EPHA6: variants seen among roughly 807,000 people sequenced by gnomAD.
EPHA6 encodes the protein ephrin type-A receptor 6.
EPHA6 carries 50 observed loss-of-function variants against 112.0 expected under a neutral mutation model. That is an observed-to-expected ratio of 0.45 (90% CI 0.36 to 0.56). The LOEUF (loss-of-function observed/expected upper bound fraction) is 0.56. EPHA6 is among the 20% of genes least tolerant of loss of function. EPHA6 has a pLI of 0.00. For missense variants in EPHA6, 1,280 were observed against 1,417.4 expected (o/e 0.90, Z 1.56); for synonymous variants, 529 against 490.7 (o/e 1.08, Z -1.03).
chr3:97,096,883 A>G (rs2047256069), intron 3 of EPHA6, among the ~76,000 whole-genome samples: 1 of 151,866 alleles, frequency 6.6e-6, no homozygotes, highest in Non-Finnish European at 1.5e-5. Flanking sequence ...AAAGTCTATC[A>G]TCTGTTAAAA....
chr3:96,958,977 G>A (rs1198292497), intron 2 of EPHA6, among the ~76,000 whole-genome samples: 1 of 152,138 alleles, frequency 6.6e-6, no homozygotes, highest in East Asian at 1.9e-4. Flanking sequence ...GAACATTCAT[G>A]TACAAGTTTT....
chr3:96,939,097 G>A (rs1030258498), intron 2 of EPHA6, among the ~76,000 whole-genome samples: 1 of 152,166 alleles, frequency 6.6e-6, no homozygotes, highest in Non-Finnish European at 1.5e-5. Context: ...CCAGGCTTTG[G>A]TATCAGGATG....
intron 3 of EPHA6, among the ~76,000 whole-genome samples, chr3:97,127,110 G>A (rs1166055819): frequency 6.6e-6 from 1 of 152,042 alleles, no homozygotes; most frequent in Non-Finnish European, 1.5e-5. Context: ...TGACACAAAA[G>A]CCTTCTTAAG....
chr3:97,355,372 ATAAAGT>A (rs1248301878), intron 5 of EPHA6, among the ~76,000 whole-genome samples: 3 of 152,222 alleles, frequency 2.0e-5, no homozygotes, highest in Non-Finnish European at 2.9e-5. Flanking sequence ...ACCAGGAGAG[ATAAAGT>A]TAGAGTGTTT....
chr3:97,238,866 T>G (rs1418858366), intron 4 of EPHA6, among the ~76,000 whole-genome samples: 1 of 151,924 alleles, frequency 6.6e-6, no homozygotes, highest in Non-Finnish European at 1.5e-5. Context: ...GGGCCTGGTA[T>G]GAAGACACTT....
In EPHA6 at chr3:97,016,621, CG is replaced by C. The variant is rs146148663; in HGVS notation, c.1114+28629del. Reference sequence around the variant, plus strand: ...AAGTGTGCAGTTTGGTAAGTTTTGACGTATGTCTAGAGCCGTGAACCCATCA... The same window carrying C: ...AAGTGTGCAGTTTGGTAAGTTTTGACTATGTCTAGAGCCGTGAACCCATCA... On this transcript the variant is annotated intron_variant, in intron 3 of 17. Coordinates refer to ENST00000389672, the MANE Select transcript of EPHA6 (RefSeq NM_001080448.3). Among the ~76,000 whole-genome samples the C allele has an allele frequency of 2.0e-4, 31 of 152,180 alleles. 1 individual carries two copies. In the East Asian group the frequency reaches 6.0e-3, roughly 29 times the overall value.
chr3:97,057,368 T>A (rs1410866460), intron 3 of EPHA6, among the ~76,000 whole-genome samples: 1 of 152,230 alleles, frequency 6.6e-6, no homozygotes, highest in African/African-American at 2.4e-5. Flanking sequence ...GCACACAGGT[T>A]GCCTGGGGAT....
intron 14 of EPHA6, among the ~76,000 whole-genome samples, chr3:97,693,654 A>G (rs900257648): frequency 1.3e-5 from 2 of 152,010 alleles, no homozygotes; most frequent in Non-Finnish European, 2.9e-5. Context: ...AAAAATACAA[A>G]AAAATTAGCC....
At chr3:97,447,460 G>C (rs1046846279) in intron 6 of EPHA6, among the ~76,000 whole-genome samples, 2 of 152,116 alleles carry the variant, frequency 1.3e-5, no homozygotes, top group Non-Finnish European at 2.9e-5. Flanking sequence ...TATGAGGATG[G>C]TGGAAATTAA....
chr3:97,240,734 C>T (rs1228177229), intron 4 of EPHA6, among the ~76,000 whole-genome samples: 1 of 151,660 alleles, frequency 6.6e-6, no homozygotes, highest in African/African-American at 2.4e-5. Flanking sequence ...TGCTAGTATT[C>T]CTCTAGATGA....
intron 14 of EPHA6, among the ~76,000 whole-genome samples, chr3:97,704,072 G>A (rs1257614737): frequency 2.6e-5 from 4 of 152,032 alleles, no homozygotes; most frequent in African/African-American, 7.3e-5. Flanking sequence ...AGGAAAAAGT[G>A]GATTGCTTTT....
At chr3:96,940,907 A>T (rs976158218) in intron 2 of EPHA6, among the ~76,000 whole-genome samples, 2 of 152,132 alleles carry the variant, frequency 1.3e-5, no homozygotes, top group African/African-American at 4.8e-5. Context: ...TCTTTTCTTT[A>T]AGAATGTTGG....
At chr3:97,555,802 G>A (rs188971356) in intron 11 of EPHA6, among the ~76,000 whole-genome samples, 81 of 151,852 alleles carry the variant, frequency 5.3e-4, no homozygotes, top group East Asian at 5.0e-3. Flanking sequence ...AATTTGTTTG[G>A]GTTCATTGTA....
intron 10 of EPHA6, among the ~76,000 whole-genome samples, chr3:97,530,657 C>T (rs1471819360): frequency 6.6e-6 from 1 of 150,936 alleles, no homozygotes; most frequent in African/African-American, 2.4e-5. Context: ...ATTTATAAAA[C>T]GCCAATATCA....
At chr3:96,938,111 G>A (rs1438832012) in intron 2 of EPHA6, among the ~76,000 whole-genome samples, 1 of 151,186 alleles carries the variant, frequency 6.6e-6, no homozygotes, top group Non-Finnish European at 1.5e-5. Flanking sequence ...GGTTCCATAT[G>A]AACTTTAAAG....
At chr3:97,138,884 A>T (rs1003880707) in intron 3 of EPHA6, among the ~76,000 whole-genome samples, 2 of 152,162 alleles carry the variant, frequency 1.3e-5, no homozygotes, top group African/African-American at 4.8e-5. Context: ...TAGCCTAATT[A>T]TTCTGGCTAC....
At chr3:97,210,433 A>G (rs2077837334) in intron 3 of EPHA6, among the ~76,000 whole-genome samples, 1 of 152,102 alleles carries the variant, frequency 6.6e-6, no homozygotes, top group Non-Finnish European at 1.5e-5. Context: ...CCATGATCCT[A>G]TCACCTCCCA....
chr3:97,122,747 A>T (rs1272806278), intron 3 of EPHA6, among the ~76,000 whole-genome samples: 1 of 152,046 alleles, frequency 6.6e-6, no homozygotes, highest in Admixed American at 6.6e-5. Context: ...ATTGTATAGA[A>T]TTCTTTATAT....
At chr3:97,136,777 AG>A (rs1163796026) in intron 3 of EPHA6, among the ~76,000 whole-genome samples, 1 of 152,192 alleles carries the variant, frequency 6.6e-6, no homozygotes. Flanking sequence ...CCATCAATCT[AG>A]TATTAATTAT....
Sources: allele counts gnomAD v4.1 joint callset (sites outside exome capture counted in the v4.1 genomes callset), GRCh38; gene constraint gnomAD v4.1.1; transcripts MANE v1.5; gene names NCBI Gene and HGNC (gene_info 2026-07-23, HGNC 2026-07-21).